Variants in ANKRD36B observed in about 807,000 individuals in gnomAD.
The protein encoded by ANKRD36B is ankyrin repeat domain-containing protein 36B.
In ANKRD36B, 37 loss-of-function variants were observed where a neutral mutation model predicts 135.7. That is an observed-to-expected ratio of 0.27 (90% confidence interval 0.21 to 0.36). The LOEUF (loss-of-function observed/expected upper bound fraction) is 0.36. Among genes scored for constraint, ANKRD36B ranks in the 10% least tolerant of loss-of-function variants. ANKRD36B has a pLI of 1.00. For synonymous variants in ANKRD36B, 179 were observed against 348.1 expected (o/e 0.51, Z 5.41); for missense variants, 549 against 1,037.1 (o/e 0.53, Z 6.46).
chr2:97,546,098 AAAACTAAAAT>A (rs1383690457), intron 22 of ANKRD36B, among the ~76,000 whole-genome samples: 2 of 151,718 alleles, frequency 1.3e-5, no homozygotes, highest in African/African-American at 4.8e-5. Context: ...TCATATGTCG[AAAACTAAAAT>A]AAAGCCCTGT....
intron 40 of ANKRD36B, among the ~76,000 whole-genome samples, chr2:97,509,150 A>G (rs1459338039): frequency 1.5e-5 from 1 of 65,118 alleles, no homozygotes; most frequent in East Asian, 2.5e-4. Flanking sequence ...GAGACTAAAA[A>G]GAAGATAATT....
intron 18 of ANKRD36B, 145 bp downstream of exon 18, chr2:97,551,144 T>C (rs961574483): frequency 8.4e-7 from 1 of 1,184,230 alleles, no homozygotes; most frequent in Non-Finnish European, 1.2e-6. Context: ...AGTATCAGCA[T>C]AACCCAAGAA....
At chr2:97,560,950 G>A in intron 6 of ANKRD36B, 90 bp from the exon 7 acceptor site, 1 of 1,069,696 alleles carries the variant, frequency 9.3e-7, no homozygotes, top group Non-Finnish European at 1.3e-6. Flanking sequence ...TTAGCATCAA[G>A]TTTTGTACTC....
In ANKRD36B at chr2:97,549,451, C is replaced by G; in HGVS notation, c.1445G>C (p.Arg482Thr). 1 of 1,583,806 alleles carries G rather than the reference C, an allele frequency of 6.3e-7. No homozygotes were observed. The highest frequency in any genetic ancestry group is 1.1e-5 in the South Asian group (1 of 88,132). ...VKEDSVLNIAREKKDGEKSRT... is the reference protein window; with the variant it reads ...VKEDSVLNIATEKKDGEKSRT... ...AGATTTTTCTCCATCCTTTTTTTCT[C>G]TGGCTATATTCAAAACAGAATCTTC... Residue 482 changes from arginine to threonine, a missense_variant, in exon 20 of 44, where the codon AGA (arginine) becomes ACA (threonine). Arg to Thr is a moderately conservative substitution (Grantham distance 71). Transcript: ENST00000359901.
At position 97,536,033 on chromosome 2, in the gene ANKRD36B, C is replaced by T. The variant is rs1382288006; in HGVS notation, c.2191+267G>A. ...TGAGCTACAATTGAGCCATTGCACT[C>T]CAGCCTGGGCAACAAGAGCAAAGCT... is the stretch of plus-strand genomic sequence containing the variant. On this transcript the variant is annotated intron_variant, in intron 34 of 43. Transcript: ENST00000359901. 3.2e-5 allele frequency among the ~76,000 whole-genome samples: 3 copies of T among 93,962 alleles called. 1 individual carries two copies. The highest frequency in any genetic ancestry group is 2.4e-4 in the South Asian group (1 of 4,148). 61.6% of individuals were successfully genotyped at this position (93,962 alleles called of 152,430 possible).
rs367771978 is a variant in ANKRD36B at position 97,545,497 on chromosome 2, A to C, written c.1681+169T>G. ...TAAAATCTTAGTACTTTCAGCATGG[A>C]CAAGGACCACAGCATCAGGGTCACC... On this transcript the variant is annotated intron_variant, in intron 24 of 43. Transcript: ENST00000359901. Among the ~76,000 whole-genome samples, 5 of 95,866 alleles carry C rather than the reference A, an allele frequency of 5.2e-5. 2 individuals carry two copies. The East Asian group carries it at 1.2e-3, about 22-fold the overall frequency. 62.9% of individuals were successfully genotyped at this position (95,866 alleles called of 152,430 possible). A position where few individuals can be genotyped will look rare whatever the true frequency, so the allele number is the denominator to read the frequency against.
intron 17 of ANKRD36B, 41 bp downstream of exon 17, chr2:97,551,411 A>G (rs1268965962): frequency 4.4e-6 from 7 of 1,605,802 alleles, no homozygotes; most frequent in Non-Finnish European, 1.7e-6. Context: ...TTCATAGGCT[A>G]TACGTTTACT....
intron 6 of ANKRD36B, among the ~76,000 whole-genome samples, chr2:97,576,088 T>A (rs13384864): frequency 0.23 from 12,291 of 54,286 alleles, 1,247 homozygotes; most frequent in African/African-American, 0.3. Context: ...ATGTGACTAT[T>A]AAAAAAATAC....
rs1209101843 is a variant in ANKRD36B, at chr2:97,541,372, G to A, written c.1885+539C>T. On this transcript the variant is annotated intron_variant, in intron 28 of 43. Transcript: ENST00000359901. ...AATATTCCAAATTTATCTGAAGTGA[G>A]TTCACTCAGCTTTCCTCAACAGAAA... 2.1e-5 allele frequency among the ~76,000 whole-genome samples: 2 copies of A among 95,650 alleles called. 1 individual carries two copies. 62.8% of individuals were successfully genotyped at this position (95,650 alleles called of 152,430 possible). A position where few individuals can be genotyped will look rare whatever the true frequency, so the allele number is the denominator to read the frequency against.
At chr2:97,588,043 T>A (rs921544636) in intron 1 of ANKRD36B, among the ~76,000 whole-genome samples, 1 of 151,348 alleles carries the variant, frequency 6.6e-6, no homozygotes, top group African/African-American at 2.4e-5. Context: ...TAAACTGGAT[T>A]TTTTTTATTT....
chr2:97,554,936 G>A, intron 14 of ANKRD36B, 124 bp downstream of exon 14: 1 of 1,270,756 alleles, frequency 7.9e-7, no homozygotes, highest in South Asian at 1.3e-5. Context: ...TACAGATGAA[G>A]AATCTCTGGC....
At chr2:97,547,300 G>C (rs1393023539) in intron 22 of ANKRD36B, 8 of 488,080 alleles carry the variant, frequency 1.6e-5, no homozygotes, top group South Asian at 1.4e-4. Flanking sequence ...GCCTTGAACT[G>C]CTCACCATAT....
chr2:97,543,716 C>T (rs1307705210), intron 26 of ANKRD36B, 74 bp downstream of exon 26: 1 of 146,896 alleles, frequency 6.8e-6, no homozygotes, highest in African/African-American at 4.1e-5. Context: ...GAGCCCCACA[C>T]TGATTTGTTC....
intron 6 of ANKRD36B, among the ~76,000 whole-genome samples, chr2:97,570,801 G>A (rs1418531383): frequency 1.3e-5 from 2 of 152,184 alleles, no homozygotes; most frequent in Non-Finnish European, 2.9e-5. Context: ...AGGACTGTTT[G>A]CTGAGTCCTT....
At chr2:97,572,919 C>CTT (rs552100529) in intron 6 of ANKRD36B, among the ~76,000 whole-genome samples, 3 of 139,034 alleles carry the variant, frequency 2.2e-5, no homozygotes, top group Non-Finnish European at 4.7e-5. Flanking sequence ...TAGGCTACTT[C>CTT]TTTTTTTTTT....
chr2:97,496,918 G>A (rs2104210076), intron 43 of ANKRD36B, among the ~76,000 whole-genome samples: 1 of 49,078 alleles, frequency 2.0e-5, no homozygotes, highest in East Asian at 3.0e-4. Flanking sequence ...CTCTGATGGA[G>A]TTGTACAAAT....
intron 5 of ANKRD36B, among the ~76,000 whole-genome samples, chr2:97,577,365 AAAAT>A (rs1442503174): frequency 8.2e-6 from 1 of 122,048 alleles, no homozygotes; most frequent in Admixed American, 9.0e-5. Flanking sequence ...ACATACTAAC[AAAAT>A]ATTTACACAA....
intron 1 of ANKRD36B, among the ~76,000 whole-genome samples, chr2:97,586,095 T>A (rs1202978223): frequency 1.9e-4 from 29 of 152,298 alleles, no homozygotes; most frequent in Non-Finnish European, 3.4e-4. Flanking sequence ...GGGATACAGT[T>A]CATAGAACAG....
chr2:97,551,434 A>G lies in ANKRD36B; in HGVS notation c.1302+18T>C, dbSNP rs539162498. 100 of 1,606,552 alleles carry G rather than the reference A, an allele frequency of 6.2e-5. No individual in the cohort carries two copies. The highest frequency in any genetic ancestry group is 8.4e-5 in the Admixed American group (5 of 59,786). The stretch of plus-strand genomic sequence containing the variant: ...CTATACGTTTACTAGCTCACAATAT[A>G]AATGAGAGTTTCATTACCTTCAAGG... On this transcript the variant is annotated intron_variant, in intron 17 of 43. Coordinates refer to ENST00000359901, the MANE Select transcript of ANKRD36B (RefSeq NM_001393939.1).
Sources: allele counts gnomAD v4.1 joint callset (sites outside exome capture counted in the v4.1 genomes callset), GRCh38; gene constraint gnomAD v4.1.1; transcripts MANE v1.5; gene names NCBI Gene and HGNC (gene_info 2026-07-23, HGNC 2026-07-21).